The following RUNX1 variants were observed in gnomAD, a reference collection of about 807,000 sequenced individuals.
The protein encoded by RUNX1 is runt-related transcription factor 1.
A neutral mutation model predicts 42.8 loss-of-function variants in RUNX1; 19 were observed. The observed-to-expected ratio is 0.44, with a 90% confidence interval of 0.31 to 0.65. RUNX1 has a LOEUF of 0.65. Among genes scored for constraint, RUNX1 ranks in the 30% least tolerant of loss-of-function variants. RUNX1 has a pLI of 0.07. For missense variants in RUNX1, 528 were observed against 672.0 expected (o/e 0.79, Z 2.37); for synonymous variants, 271 against 289.4 (o/e 0.94, Z 0.64).
Position 34,788,195 on chromosome 21 carries a change from T to G in RUNX1, c.*3940A>C, listed in dbSNP as rs958562455. The G allele has an allele frequency of 1.3e-5, 3 of 233,452 alleles. No homozygotes were observed. The highest frequency in any genetic ancestry group is 6.6e-5 in the African/African-American group (3 of 45,346). The allele number at this position is 233,452 out of a possible 1,614,324, so 14.5% of individuals were successfully genotyped here. A position where few individuals can be genotyped will look rare whatever the true frequency, so the allele number is the denominator to read the frequency against. On this transcript the variant is annotated 3_prime_UTR_variant, in exon 9 of 9. Coordinates refer to ENST00000675419, the MANE Select transcript of RUNX1 (RefSeq NM_001754.5). Reference sequence around the variant, plus strand: ...CAGGATGTTTTGTGACCAAACCCAATAACTGCCACACAAATAGACCCTAGG... The same window carrying G: ...CAGGATGTTTTGTGACCAAACCCAAGAACTGCCACACAAATAGACCCTAGG...
intron 6 of RUNX1, among the ~76,000 whole-genome samples, chr21:34,844,424 T>G (rs1466030254): frequency 1.3e-5 from 2 of 152,156 alleles, no homozygotes; most frequent in Admixed American, 6.5e-5. Flanking sequence ...CTCTCCACAC[T>G]GGCCTCCTAA....
intron 7 of RUNX1, among the ~76,000 whole-genome samples, chr21:34,822,265 C>T (rs941161047): frequency 6.6e-6 from 1 of 152,182 alleles, no homozygotes; most frequent in Non-Finnish European, 1.5e-5. Context: ...CAGGACCTTC[C>T]GGGCAATGCT....
At position 34,899,101 on chromosome 21, in the gene RUNX1, A is replaced by G. The variant is rs1197801431; in HGVS notation, c.59-6138T>C. Among the ~76,000 whole-genome samples the G allele has an allele frequency of 2.0e-5, 3 of 152,030 alleles. No homozygotes were observed. In the East Asian group the frequency reaches 5.8e-4, roughly 29 times the overall value. On this transcript the variant is annotated intron_variant, in intron 2 of 8. Transcript: ENST00000675419. ...GGTACTTTTTGTATTTTTTGTAAAG[A>G]TGGGGTTTCATCATGTTGTCCACGC...
intron 7 of RUNX1, among the ~76,000 whole-genome samples, chr21:34,807,254 T>C (rs1226293932): frequency 2.0e-5 from 3 of 152,206 alleles, no homozygotes; most frequent in African/African-American, 4.8e-5. Flanking sequence ...TAGAGACCCC[T>C]CCCGGCCCTC....
chr21:34,948,597 G>T (rs1022320499), intron 2 of RUNX1, among the ~76,000 whole-genome samples: 2 of 152,088 alleles, frequency 1.3e-5, no homozygotes, highest in East Asian at 3.9e-4. Flanking sequence ...TTGTGGATGT[G>T]ATGGTCTACC....
chr21:34,948,013 G>T (rs2058577244), intron 2 of RUNX1, among the ~76,000 whole-genome samples: 1 of 151,812 alleles, frequency 6.6e-6, no homozygotes, highest in Admixed American at 6.6e-5. Context: ...TGGGTTTTCC[G>T]GGCTGCTGTT....
At chr21:34,910,848 G>A (rs951038122) in intron 2 of RUNX1, among the ~76,000 whole-genome samples, 9 of 151,604 alleles carry the variant, frequency 5.9e-5, no homozygotes, top group African/African-American at 1.9e-4. Context: ...GTGGCTCACC[G>A]CAGGCTCCAG....
chr21:34,916,097 A>G (rs1243144895), intron 2 of RUNX1, among the ~76,000 whole-genome samples: 1 of 152,178 alleles, frequency 6.6e-6, no homozygotes, highest in African/African-American at 2.4e-5. Flanking sequence ...TGATGGCAGA[A>G]AGCCTCAAGA....
At chr21:34,830,786 G>A (rs1028329476) in intron 7 of RUNX1, among the ~76,000 whole-genome samples, 5 of 152,150 alleles carry the variant, frequency 3.3e-5, no homozygotes, top group African/African-American at 1.2e-4. Context: ...TCTGACCCAC[G>A]TCAAAATAGC....
intron 2 of RUNX1, among the ~76,000 whole-genome samples, chr21:34,973,896 G>A (rs961179908): frequency 2.0e-5 from 3 of 151,928 alleles, no homozygotes; most frequent in Non-Finnish European, 4.4e-5. Flanking sequence ...TACACATTGA[G>A]GGGAAAATTG....
At chr21:35,024,432 C>A (rs1483478060) in intron 2 of RUNX1, among the ~76,000 whole-genome samples, 1 of 152,216 alleles carries the variant, frequency 6.6e-6, no homozygotes, top group East Asian at 1.9e-4. Flanking sequence ...GAATCTCTCT[C>A]TCATAGCAAC....
intron 2 of RUNX1, among the ~76,000 whole-genome samples, chr21:34,958,463 T>C (rs1481505354): frequency 6.6e-6 from 1 of 152,180 alleles, no homozygotes; most frequent in Non-Finnish European, 1.5e-5. Flanking sequence ...TCATCATCAC[T>C]GGCCATCAGA....
intron 2 of RUNX1, among the ~76,000 whole-genome samples, chr21:35,040,254 A>G (rs534719326): frequency 4.3e-4 from 66 of 152,340 alleles, no homozygotes; most frequent in African/African-American, 1.5e-3. Flanking sequence ...GCTGTGTAAG[A>G]AAGTGCAGCA....
At chr21:34,888,674 C>G in intron 3 of RUNX1, 1 of 1,044,872 alleles carries the variant, frequency 9.6e-7, no homozygotes, top group Non-Finnish European at 1.2e-6. Context: ...GTCCCGCCCG[C>G]GCCCGCTGGC....
chr21:35,033,335 A>C (rs568180469), intron 2 of RUNX1, among the ~76,000 whole-genome samples: 2 of 152,390 alleles, frequency 1.3e-5, no homozygotes, highest in African/African-American at 4.8e-5. Flanking sequence ...CAAATAAACC[A>C]GAGCAAGAAG....
At chr21:35,048,815 GA>G (rs748902505) in intron 2 of RUNX1, 26 bp downstream of exon 2, 2 of 1,595,862 alleles carry the variant, frequency 1.3e-6, no homozygotes, top group Admixed American at 3.3e-5. Flanking sequence ...AGCAAAAGTA[GA>G]TATTACAAGA....
At chr21:34,927,636 T>C (rs1055992413) in intron 2 of RUNX1, among the ~76,000 whole-genome samples, 1 of 152,202 alleles carries the variant, frequency 6.6e-6, no homozygotes, top group African/African-American at 2.4e-5. Context: ...TGCCATTTAC[T>C]TTGGACATGG....
At chr21:34,973,350 A>T (rs2058776478) in intron 2 of RUNX1, among the ~76,000 whole-genome samples, 1 of 152,218 alleles carries the variant, frequency 6.6e-6, no homozygotes, top group South Asian at 2.1e-4. Flanking sequence ...AGAACGAGGG[A>T]AGCTCAAATC....
chr21:34,949,184 T>C (rs2058588431), intron 2 of RUNX1, among the ~76,000 whole-genome samples: 1 of 152,180 alleles, frequency 6.6e-6, no homozygotes, highest in African/African-American at 2.4e-5. Context: ...TTAGTTACAT[T>C]TGACCTAAAA....
Sources: gnomAD v4.1 joint callset for allele counts (sites outside exome capture counted in the v4.1 genomes callset) on GRCh38, gnomAD v4.1.1 for gene constraint, MANE v1.5 for transcripts, NCBI Gene and HGNC (gene_info 2026-07-23, HGNC 2026-07-21) for gene names.